Variants in KDM6A observed in about 807,000 individuals in gnomAD.
KDM6A encodes the protein lysine demethylase 6A, also known as lysine-specific demethylase 6A.
Under a neutral mutation model 117.6 loss-of-function variants are expected in KDM6A, and 11 were observed. The ratio of observed to expected loss-of-function variants is 0.09; its 90% CI spans 0.06 to 0.15. The LOEUF is 0.15. Among genes scored for constraint, KDM6A ranks in the 10% least tolerant of loss-of-function variants. The pLI, the probability that KDM6A is intolerant of heterozygous loss-of-function variation, is 1.00. For synonymous variants in KDM6A, 384 were observed against 396.1 expected (o/e 0.97, Z 0.36); for missense variants, 799 against 1,077.3 (o/e 0.74, Z 3.62).
At chrX:45,105,494 G>C (rs2046492843) in intron 27 of KDM6A, among the ~76,000 whole-genome samples, 1 of 111,507 alleles carries the variant, frequency 9.0e-6, no homozygotes, top group East Asian at 2.8e-4. Flanking sequence ...TCCTGTAAGA[G>C]ACCTTATTTT....
chrX:45,053,086 A>G (rs776615084), intron 9 of KDM6A, among the ~76,000 whole-genome samples: 4 of 111,796 alleles, frequency 3.6e-5, no homozygotes, highest in Non-Finnish European at 7.5e-5. Context: ...CGTTGATTCT[A>G]TAGCCTTATA....
intron 2 of KDM6A, among the ~76,000 whole-genome samples, chrX:44,874,519 TC>T (rs1400912549): frequency 9.0e-6 from 1 of 111,678 alleles, no homozygotes; most frequent in African/African-American, 3.3e-5. Flanking sequence ...TTGACATGTA[TC>T]TCGATTGCAG....
At chrX:45,071,497 G>A (rs1217980424) in intron 18 of KDM6A, among the ~76,000 whole-genome samples, 1 of 111,582 alleles carries the variant, frequency 9.0e-6, no homozygotes, top group Non-Finnish European at 1.9e-5. Context: ...AAGGTATCCT[G>A]GGTCTACCGT....
At chrX:44,993,320 AAAAG>A (rs1261602909) in intron 4 of KDM6A, among the ~76,000 whole-genome samples, 1 of 112,000 alleles carries the variant, frequency 8.9e-6, no homozygotes, top group Non-Finnish European at 1.9e-5. Context: ...ATGTGTGAAA[AAAAG>A]AATGTGATAA....
rs2147928902 is a variant in KDM6A, at chrX:45,053,883, A to G, written c.803A>G (p.Tyr268Cys). The G allele has an allele frequency of 8.3e-7, 1 of 1,199,289 alleles. No individual in the cohort carries two copies. The highest frequency in any genetic ancestry group is 3.0e-5 in the East Asian group (1 of 33,763). The change falls in exon 10 of 30, where the codon TAT becomes TGT. Residue 268 changes from tyrosine (Y) to cysteine (C), a missense_variant. This residue lies in a region of KDM6A where 63 missense variants were observed against 68.2 expected (regional missense o/e 0.92). Transcript: ENST00000611820. ...LLGDKATKESYAIQYLQKSLE... is the reference protein window; with the variant it reads ...LLGDKATKESCAIQYLQKSLE... ...GGAGATAAAGCCACCAAGGAAAGCT[A>G]TGCTATTCAGTATCTCCAAAAGTCC...
chrX:45,002,851 T>TCCC (rs1329939302), intron 4 of KDM6A, among the ~76,000 whole-genome samples: 3 of 63,886 alleles, frequency 4.7e-5, no homozygotes, highest in African/African-American at 2.2e-4. Flanking sequence ...TATAAATTCT[T>TCCC]CCCCTCCCCG....
chrX:44,881,004 T>G (rs1354287138), intron 2 of KDM6A, among the ~76,000 whole-genome samples: 1 of 111,891 alleles, frequency 8.9e-6, no homozygotes, highest in Non-Finnish European at 1.9e-5. Flanking sequence ...TGTACCCAAT[T>G]AGGTCCTATT....
Position 44,902,775 on chromosome X carries a change from G to T in KDM6A, c.225+28788G>T, listed in dbSNP as rs527923909. ...CAGACTGGATAATTTATAAATAATAGAACTTTATTTCTCACAGTTCTGGGG... is the reference window on the plus strand; with the variant it reads ...CAGACTGGATAATTTATAAATAATATAACTTTATTTCTCACAGTTCTGGGG... On this transcript the variant is annotated intron_variant, in intron 2 of 29. Transcript: ENST00000611820. 5.7e-4 allele frequency among the ~76,000 whole-genome samples: 64 copies of T among 112,001 alleles called. 1 individual carries two copies. In the South Asian group the frequency reaches 0.013, roughly 22 times the overall value.
chrX:45,039,283 G>A (rs2042946807), intron 8 of KDM6A, among the ~76,000 whole-genome samples: 1 of 109,489 alleles, frequency 9.1e-6, no homozygotes, highest in Non-Finnish European at 1.9e-5. Context: ...GAGATCACTG[G>A]TCTGTCATTA....
intron 18 of KDM6A, among the ~76,000 whole-genome samples, chrX:45,071,138 G>C (rs1038285853): frequency 6.3e-5 from 7 of 111,971 alleles, no homozygotes; most frequent in Non-Finnish European, 1.1e-4. Context: ...ACTAAATCTT[G>C]AATGAAATTT....
chrX:45,055,303 TAATTA>T (rs1266684032), intron 10 of KDM6A, among the ~76,000 whole-genome samples: 1 of 111,002 alleles, frequency 9.0e-6, no homozygotes, highest in East Asian at 2.8e-4. Context: ...AATATTACTT[TAATTA>T]AAGTAATATT....
intron 3 of KDM6A, among the ~76,000 whole-genome samples, chrX:44,972,402 T>A (rs1054739754): frequency 6.3e-5 from 7 of 111,043 alleles, no homozygotes; most frequent in African/African-American, 2.0e-4. Flanking sequence ...TCTTTCTTTT[T>A]TTTTTAATCC....
intron 8 of KDM6A, among the ~76,000 whole-genome samples, chrX:45,041,040 A>G (rs1172309480): frequency 3.2e-5 from 2 of 62,775 alleles, no homozygotes; most frequent in African/African-American, 6.5e-5. Context: ...CTGGCCGGGC[A>G]GAGGGGCTCC....
chrX:44,954,149 A>G (rs1033229215), intron 2 of KDM6A, among the ~76,000 whole-genome samples: 6 of 110,578 alleles, frequency 5.4e-5, no homozygotes, highest in Non-Finnish European at 7.6e-5. Flanking sequence ...TGACGTTTCA[A>G]AAATGGTTTA....
At chrX:45,015,978 T>C (rs2041945152) in intron 5 of KDM6A, among the ~76,000 whole-genome samples, 1 of 111,720 alleles carries the variant, frequency 9.0e-6, no homozygotes, top group South Asian at 3.8e-4. Flanking sequence ...ACAGGTGATA[T>C]ATTAGCAACT....
intron 2 of KDM6A, among the ~76,000 whole-genome samples, chrX:44,932,398 A>T (rs1208848072): frequency 9.1e-6 from 1 of 109,892 alleles, no homozygotes; most frequent in Non-Finnish European, 1.9e-5. Flanking sequence ...GGTTTGAGCC[A>T]CCACGCCTGG....
chrX:44,908,437 A>G (rs748579449), intron 2 of KDM6A, among the ~76,000 whole-genome samples: 6 of 111,551 alleles, frequency 5.4e-5, no homozygotes, highest in Admixed American at 9.6e-5. Flanking sequence ...GAGAGACTGA[A>G]GGATGGCTTC....
At chrX:44,964,310 G>A (rs1357416757) in intron 3 of KDM6A, among the ~76,000 whole-genome samples, 2 of 107,808 alleles carry the variant, frequency 1.9e-5, no homozygotes, top group African/African-American at 6.8e-5. Context: ...TTGGCTGGGT[G>A]CGGTGGTGTG....
intron 4 of KDM6A, among the ~76,000 whole-genome samples, chrX:44,978,715 T>C (rs762910879): frequency 2.4e-4 from 27 of 112,222 alleles, no homozygotes; most frequent in Non-Finnish European, 4.3e-4. Context: ...ATATAGAACA[T>C]TTTCCATCAC....
Sources: allele counts gnomAD v4.1 joint callset (sites outside exome capture counted in the v4.1 genomes callset), GRCh38; gene constraint gnomAD v4.1.1; regional missense constraint gnomAD v4.1.1; transcripts MANE v1.5; gene names NCBI Gene and HGNC (gene_info 2026-07-23, HGNC 2026-07-21).